ZBTB7C: variants seen among roughly 807,000 people sequenced by gnomAD.
The protein encoded by ZBTB7C is zinc finger and BTB domain-containing protein 7C.
In ZBTB7C, 8 loss-of-function variants were observed where a neutral mutation model predicts 25.7. The observed-to-expected ratio is 0.31, with a 90% confidence interval of 0.18 to 0.56. The LOEUF (loss-of-function observed/expected upper bound fraction) is 0.56. Among genes scored for constraint, ZBTB7C ranks in the 20% least tolerant of loss-of-function variants. The pLI, the probability that ZBTB7C is intolerant of heterozygous loss-of-function variation, is 0.91. For missense variants in ZBTB7C, 824 were observed against 855.2 expected (o/e 0.96, Z 0.46); for synonymous variants, 394 against 369.0 (o/e 1.07, Z -0.78).
intron 3 of ZBTB7C, among the ~76,000 whole-genome samples, chr18:48,103,251 GT>G (rs1352757457): frequency 2.0e-5 from 3 of 151,620 alleles, no homozygotes; most frequent in African/African-American, 2.4e-5. Flanking sequence ...AAAATGAGAC[GT>G]CAGGTTTGAT....
intron 2 of ZBTB7C, among the ~76,000 whole-genome samples, chr18:48,315,502 C>T (rs1414806039): frequency 2.0e-5 from 3 of 152,186 alleles, no homozygotes; most frequent in African/African-American, 7.2e-5. Flanking sequence ...GGGCACTGGC[C>T]TGGTACTCAG....
At chr18:48,359,332 G>A (rs547926779) in intron 1 of ZBTB7C, among the ~76,000 whole-genome samples, 1 of 149,950 alleles carries the variant, frequency 6.7e-6, no homozygotes, top group Admixed American at 6.7e-5. Context: ...GGTCTAGAAA[G>A]AGGAAACTAT....
rs79883955 is a variant in ZBTB7C, at chr18:48,283,279, G to A, written c.-79+54895C>T. On this transcript the variant is annotated intron_variant, in intron 2 of 4. Transcript: ENST00000590800. ...GAAATAGCCTAAATGTTGAGCAAAT[G>A]TACTCCTATTGTGCAGCCACTAAAT... is the stretch of plus-strand genomic sequence containing the variant. 1.3e-3 allele frequency among the ~76,000 whole-genome samples: 205 copies of A among 152,264 alleles called. 2 individuals carry two copies. The highest frequency in any genetic ancestry group is 4.8e-3 in the African/African-American group (200 of 41,554).
intron 3 of ZBTB7C, among the ~76,000 whole-genome samples, chr18:48,063,842 G>T (rs559139674): frequency 6.6e-6 from 1 of 152,002 alleles, no homozygotes; most frequent in South Asian, 2.1e-4. Context: ...TGCCTTTTTT[G>T]TATCCAACCC....
intron 3 of ZBTB7C, among the ~76,000 whole-genome samples, chr18:48,124,484 G>A (rs1332142729): frequency 6.6e-6 from 1 of 152,184 alleles, no homozygotes; most frequent in South Asian, 2.1e-4. Context: ...CGTATATTAA[G>A]TTCATTATTA....
chr18:48,091,850 G>A (rs991286691), intron 3 of ZBTB7C, among the ~76,000 whole-genome samples: 1 of 152,130 alleles, frequency 6.6e-6, no homozygotes, highest in African/African-American at 2.4e-5. Flanking sequence ...GAGGCCACTC[G>A]GTGGCCTCCG....
chr18:48,155,231 T>C (rs2040801270), intron 3 of ZBTB7C, among the ~76,000 whole-genome samples: 2 of 151,916 alleles, frequency 1.3e-5, no homozygotes, highest in African/African-American at 2.4e-5. Context: ...CAAACAAAAA[T>C]TGTTTTATTT....
At chr18:48,146,696 G>A (rs2040507606) in intron 3 of ZBTB7C, among the ~76,000 whole-genome samples, 1 of 152,186 alleles carries the variant, frequency 6.6e-6, no homozygotes, top group African/African-American at 2.4e-5. Context: ...TGTAAAAGGA[G>A]ATATTAAAAA....
At chr18:48,265,308 T>C (rs1453597217) in intron 2 of ZBTB7C, among the ~76,000 whole-genome samples, 1 of 152,250 alleles carries the variant, frequency 6.6e-6, no homozygotes, top group African/African-American at 2.4e-5. Context: ...TTTTCTCTTA[T>C]TGCAATAGTT....
rs1441711930 is a variant in ZBTB7C at position 48,248,271 on chromosome 18, T to C, written c.-78-62276A>G. On this transcript the variant is annotated intron_variant, in intron 2 of 4. Coordinates refer to ENST00000590800, the MANE Select transcript of ZBTB7C (RefSeq NM_001318841.2). ...AATTTTCCTGAGGCCTCCCCAGCCA[T>C]GCAAACTGTGAGTCAATTAAACCTC... Among the ~76,000 whole-genome samples the C allele has an allele frequency of 3.9e-5, 6 of 152,192 alleles. No homozygotes were observed. In the South Asian group the frequency reaches 8.3e-4, roughly 21 times the overall value.
At chr18:48,406,882 G>A (rs1024648627) in intron 1 of ZBTB7C, among the ~76,000 whole-genome samples, 6 of 152,148 alleles carry the variant, frequency 3.9e-5, no homozygotes, top group Non-Finnish European at 8.8e-5. Flanking sequence ...TATGGTTTTG[G>A]AGGAAAAAGT....
chr18:48,041,881 G>C (rs544184703), intron 3 of ZBTB7C, among the ~76,000 whole-genome samples: 6 of 152,124 alleles, frequency 3.9e-5, no homozygotes, highest in African/African-American at 1.4e-4. Flanking sequence ...CAAGTACATT[G>C]TTAGTTAATT....
At chr18:48,041,785 G>C (rs1486102226) in intron 3 of ZBTB7C, among the ~76,000 whole-genome samples, 2 of 151,340 alleles carry the variant, frequency 1.3e-5, no homozygotes, top group Non-Finnish European at 2.9e-5. Context: ...GTATATCTGA[G>C]AGTGATTTCA....
intron 4 of ZBTB7C, among the ~76,000 whole-genome samples, chr18:48,038,044 G>A (rs1437907080): frequency 6.6e-6 from 1 of 152,178 alleles, no homozygotes; most frequent in African/African-American, 2.4e-5. Flanking sequence ...GTTCTGTGGG[G>A]CTAAGGTGAA....
At chr18:48,391,171 C>T (rs1009427694) in intron 1 of ZBTB7C, among the ~76,000 whole-genome samples, 2 of 152,210 alleles carry the variant, frequency 1.3e-5, no homozygotes, top group African/African-American at 2.4e-5. Context: ...GGGTGACCGC[C>T]GCCATGTGAC....
intron 3 of ZBTB7C, among the ~76,000 whole-genome samples, chr18:48,104,378 T>A (rs2038953184): frequency 6.6e-6 from 1 of 152,186 alleles, no homozygotes; most frequent in African/African-American, 2.4e-5. Context: ...GGAAGTTTCC[T>A]GAGACTCTCC....
At chr18:48,051,593 A>ACAAAG (rs10644584) in intron 3 of ZBTB7C, among the ~76,000 whole-genome samples, 64,570 of 151,684 alleles carry the variant, frequency 0.43, 14,245 homozygotes, top group East Asian at 0.57. Flanking sequence ...GGCTAAGGTC[A>ACAAAG]CAAAGTGATG....
rs55752474 is a variant in ZBTB7C at position 48,331,293 on chromosome 18, T to C, written c.-79+6881A>G. On this transcript the variant is annotated intron_variant, in intron 2 of 4. Coordinates refer to ENST00000590800, the MANE Select transcript of ZBTB7C (RefSeq NM_001318841.2). The stretch of plus-strand genomic sequence containing the variant: ...GGTACCAAATAATAATCACACAACT[T>C]ATCCTTCGATCTTGGGCTTTATGCT... Among the ~76,000 whole-genome samples the C allele has an allele frequency of 6.9e-3, 1,048 of 152,246 alleles. 12 individuals carry two copies. The highest frequency in any genetic ancestry group is 0.024 in the African/African-American group (988 of 41,540).
chr18:48,194,737 A>T lies in ZBTB7C; in HGVS notation c.-78-8742T>A, dbSNP rs531143332. Among the ~76,000 whole-genome samples, 4 of 152,248 alleles carry T rather than the reference A, an allele frequency of 2.6e-5. No homozygotes were observed. In the South Asian group the frequency reaches 8.3e-4, roughly 32 times the overall value. ...GCAGAGAGGATCAGGAAATACAGCC[A>T]GGAGGGCAGCTGAGGAACCCCAAAT... On this transcript the variant is annotated intron_variant, in intron 2 of 4. Transcript: ENST00000590800.
Sources: gnomAD v4.1 joint callset for allele counts (sites outside exome capture counted in the v4.1 genomes callset) on GRCh38, gnomAD v4.1.1 for gene constraint, MANE v1.5 for transcripts, NCBI Gene and HGNC (gene_info 2026-07-23, HGNC 2026-07-21) for gene names.